C10orf53: variants seen among roughly 807,000 people sequenced by gnomAD.
C10orf53 encodes UPF0728 protein C10orf53.
Under a neutral mutation model 9.4 loss-of-function variants are expected in C10orf53, and 8 were observed. That is an observed-to-expected ratio of 0.85 (90% CI 0.50 to 1.53). The LOEUF is 1.53. Among genes scored for constraint, C10orf53 ranks in the 40% most tolerant of loss-of-function variants. The probability of loss-of-function intolerance (pLI) is 0.00; values close to 1 mark genes in which losing one functional copy is unlikely to be tolerated. For missense variants in C10orf53, 117 were observed against 117.8 expected, an observed-to-expected ratio of 0.99 and a Z score of 0.03; for synonymous variants, 48 against 46.0, an observed-to-expected ratio of 1.04 and a Z score of -0.18.
At chr10:49,687,393 C>T (rs1472473806) in intron 1 of C10orf53, among the ~76,000 whole-genome samples, 1 of 152,228 alleles carries the variant, frequency 6.6e-6, no homozygotes, top group Non-Finnish European at 1.5e-5. Context: ...TGTCACCTCT[C>T]CCTGGTCACT....
downstream of C10orf53, among the ~76,000 whole-genome samples, chr10:49,697,681 AGCTGGGATTACAGGCACTT>A (rs1056018293): frequency 9.2e-5 from 14 of 152,104 alleles, no homozygotes; most frequent in African/African-American, 3.4e-4. Context: ...CCTCCTGAAC[AGCTGGGATTACAGGCACTT>A]GCCACCAAGC....
chr10:49,688,267 T>G (rs1278388805), intron 1 of C10orf53, among the ~76,000 whole-genome samples: 1 of 151,744 alleles, frequency 6.6e-6, no homozygotes, highest in African/African-American at 2.4e-5. Flanking sequence ...CAGGCACCTC[T>G]CACTCCTCTT....
At chr10:49,706,401 A>G (rs184756876) in intron 2 of C10orf53, among the ~76,000 whole-genome samples, 6 of 152,382 alleles carry the variant, frequency 3.9e-5, no homozygotes, top group South Asian at 2.1e-4. Flanking sequence ...TTGTTCCACC[A>G]TAAAAAGGAA....
chr10:49,699,213 T>TTG (rs1246397087), downstream of C10orf53, among the ~76,000 whole-genome samples: 1 of 144,276 alleles, frequency 6.9e-6, no homozygotes, highest in Non-Finnish European at 1.5e-5. Flanking sequence ...TTTTTTTTTT[T>TTG]TGACAAGGCC....
In C10orf53 at chr10:49,686,389, T is replaced by C. The variant is rs564991010; in HGVS notation, c.97+6595T>C. 2.6e-5 allele frequency among the ~76,000 whole-genome samples: 4 copies of C among 152,224 alleles called. No homozygotes were observed. In the East Asian group the frequency reaches 7.7e-4, roughly 29 times the overall value. ...GTGTGTTTGAACAATATGAAATCAGTGCACCCTGAAAAAGAACAGAATAAC... is the reference window on the plus strand; with the variant it reads ...GTGTGTTTGAACAATATGAAATCAGCGCACCCTGAAAAAGAACAGAATAAC... On this transcript the variant is annotated intron_variant, in intron 1 of 2. Transcript: ENST00000374111.
At chr10:49,708,444 A>G (rs1340000469) in exon 3 of C10orf53, 1 of 1,614,034 alleles carries the variant, frequency 6.2e-7, no homozygotes, top group Non-Finnish European at 8.5e-7. Flanking sequence ...GTGTAGGATG[A>G]AAGTTTCTCC....
At chr10:49,693,222 A>G (rs1489652188) in intron 1 of C10orf53, among the ~76,000 whole-genome samples, 1 of 152,212 alleles carries the variant, frequency 6.6e-6, no homozygotes, top group East Asian at 1.9e-4. Context: ...TATGTAAGTT[A>G]TTCACGGTAT....
chr10:49,708,690 G>A, exon 3 of C10orf53: 1 of 1,564,570 alleles, frequency 6.4e-7, no homozygotes, highest in Non-Finnish European at 8.7e-7. Context: ...TCCAGAATAA[G>A]GGTGAATAGA....
At chr10:49,698,127 CA>C (rs1349199673), downstream of C10orf53, among the ~76,000 whole-genome samples, 1 of 151,998 alleles carries the variant, frequency 6.6e-6, no homozygotes, top group Non-Finnish European at 1.5e-5. Context: ...CTCATCTCTA[CA>C]AAAAGTAAAA....
At position 49,696,819 on chromosome 10, in the gene C10orf53, G is replaced by A. The variant is rs1012049040; in HGVS notation, c.*2217G>A. 2.0e-5 allele frequency among the ~76,000 whole-genome samples: 3 copies of A among 152,162 alleles called. No individual in the cohort carries two copies. Among genetic ancestry groups the A allele is most frequent in the Admixed American group, 6.5e-5 (1 of 15,280 alleles). The stretch of plus-strand genomic sequence containing the variant: ...AGTTTGCAGGGCTATTCTGCCTTCC[G>A]TATTGTAAATGTTTTTAGTGGTGGA... On this transcript the variant is annotated 3_prime_UTR_variant, in exon 3 of 3. Transcript: ENST00000374111.
intron 1 of C10orf53, among the ~76,000 whole-genome samples, chr10:49,687,498 T>C (rs1258266): frequency 0.95 from 144,109 of 152,262 alleles, 68,551 homozygotes; most frequent in Non-Finnish European, 0.99. Flanking sequence ...ATGGTTTGAA[T>C]TGGGCTCCAC....
chr10:49,704,819 CA>C lies in C10orf53; in HGVS notation c.218-3541del, dbSNP rs564843993. 7.0e-4 allele frequency among the ~76,000 whole-genome samples: 106 copies of C among 152,314 alleles called. 1 individual carries two copies. The South Asian group carries it at 0.02, about 29-fold the overall frequency. On this transcript the variant is annotated intron_variant, in intron 2 of 2. Transcript: ENST00000374112. ...TCTGTGTTGGTAAGGATGTGGTAAA[CA>C]GGCACTTGTGCTTGATAGAGGCAGA...
intron 1 of C10orf53, among the ~76,000 whole-genome samples, chr10:49,680,013 A>C (rs1462021397): frequency 6.6e-6 from 1 of 152,250 alleles, no homozygotes; most frequent in Non-Finnish European, 1.5e-5. Context: ...CCCAGTGCCC[A>C]GCAAATTACA....
intron 2 of C10orf53, among the ~76,000 whole-genome samples, chr10:49,706,780 T>G (rs1178390059): frequency 6.6e-6 from 1 of 152,208 alleles, no homozygotes; most frequent in Non-Finnish European, 1.5e-5. Flanking sequence ...CCCTCCAAAC[T>G]ATTTGAACAA....
Position 49,708,704 on chromosome 10 carries a change from T to C in C10orf53, c.*87T>C. ...TTCCAGAATAAGGGTGAATAGATGC[T>C]GAGTCCCCCAAAACAAAAATTGTCC... On this transcript the variant is annotated 3_prime_UTR_variant, in exon 3 of 3. Transcript: ENST00000374112. The C allele has an allele frequency of 3.3e-6, 5 of 1,536,660 alleles. No individual in the cohort carries two copies. In the South Asian group the frequency reaches 6.5e-5, roughly 20 times the overall value.
intron 1 of C10orf53, among the ~76,000 whole-genome samples, chr10:49,688,736 G>C (rs946905433): frequency 5.3e-5 from 8 of 151,708 alleles, no homozygotes; most frequent in African/African-American, 1.9e-4. Flanking sequence ...CCACCTCAGG[G>C]CTTCACAGCC....
At chr10:49,705,393 A>G (rs1227319906) in intron 2 of C10orf53, among the ~76,000 whole-genome samples, 1 of 152,208 alleles carries the variant, frequency 6.6e-6, no homozygotes, top group Non-Finnish European at 1.5e-5. Flanking sequence ...TGTTTTAAAA[A>G]TAAGGCAGTT....
downstream of C10orf53, among the ~76,000 whole-genome samples, chr10:49,699,395 A>C (rs544587636): frequency 6.6e-6 from 1 of 151,338 alleles, no homozygotes; most frequent in African/African-American, 2.4e-5. Flanking sequence ...GGCATCTCCT[A>C]TGTTACCCAG....
At chr10:49,685,059 T>C (rs944125418) in intron 1 of C10orf53, among the ~76,000 whole-genome samples, 1 of 152,200 alleles carries the variant, frequency 6.6e-6, no homozygotes, top group East Asian at 1.9e-4. Context: ...TACCTCTGTC[T>C]GTAGCCTAGC....
Sources: gnomAD v4.1 joint callset for allele counts (sites outside exome capture counted in the v4.1 genomes callset) on GRCh38, gnomAD v4.1.1 for gene constraint, MANE v1.5 for transcripts, NCBI Gene and HGNC (gene_info 2026-07-23, HGNC 2026-07-21) for gene names.